DLGAP4: variants seen among roughly 807,000 people sequenced by gnomAD.
The protein encoded by DLGAP4 is disks large-associated protein 4.
A neutral mutation model predicts 86.9 loss-of-function variants in DLGAP4; 18 were observed. That is an observed-to-expected ratio of 0.21 (90% CI 0.14 to 0.31). The LOEUF (loss-of-function observed/expected upper bound fraction) is 0.31. DLGAP4 is among the 10% of genes least tolerant of loss of function. DLGAP4 has a pLI of 1.00. For synonymous variants in DLGAP4, 548 were observed against 574.3 expected, an observed-to-expected ratio of 0.95 and a Z score of 0.65; for missense variants, 1,085 against 1,362.6, an observed-to-expected ratio of 0.80 and a Z score of 3.21.
chr20:36,328,264 T>C (rs2147354515), intron 1 of DLGAP4, among the ~76,000 whole-genome samples: 1 of 152,208 alleles, frequency 6.6e-6, no homozygotes, highest in African/African-American at 2.4e-5. Flanking sequence ...AAGTGGCCAG[T>C]GTGTCAGGTG....
At chr20:36,517,313 G>T (rs1234919232) in intron 10 of DLGAP4, among the ~76,000 whole-genome samples, 1 of 152,120 alleles carries the variant, frequency 6.6e-6, no homozygotes, top group East Asian at 1.9e-4. Flanking sequence ...GGGAGGTGGA[G>T]GTTGCAGTGA....
At chr20:36,526,133 T>A in intron 12 of DLGAP4, 127 bp downstream of exon 12, 1 of 1,373,970 alleles carries the variant, frequency 7.3e-7, no homozygotes, top group Non-Finnish European at 1.0e-6. Flanking sequence ...GGGTCTCACA[T>A]CCATCACTGC....
chr20:36,334,032 A>C (rs1241455175), intron 1 of DLGAP4, among the ~76,000 whole-genome samples: 2 of 152,180 alleles, frequency 1.3e-5, no homozygotes, highest in Non-Finnish European at 2.9e-5. Context: ...GACAGCAAGG[A>C]TGTCGTGTGT....
chr20:36,436,490 C>A, intron 4 of DLGAP4, 140 bp downstream of exon 4: 2 of 1,361,412 alleles, frequency 1.5e-6, no homozygotes, highest in Non-Finnish European at 1.9e-6. Flanking sequence ...CACGCCCACT[C>A]ATGAGTCCTG....
At chr20:36,495,263 C>T (rs1247981908) in intron 7 of DLGAP4, among the ~76,000 whole-genome samples, 1 of 152,110 alleles carries the variant, frequency 6.6e-6, no homozygotes, top group Non-Finnish European at 1.5e-5. Context: ...TTTAGCCATT[C>T]TGATAGGTTA....
chr20:36,431,649 A>G lies in DLGAP4; in HGVS notation c.-69A>G. On this transcript the variant is annotated 5_prime_UTR_variant, in exon 3 of 13. In the 5' UTR this introduces an upstream ATG that the reference lacks. Coordinates refer to ENST00000339266, the MANE Select transcript of DLGAP4 (RefSeq NM_001365621.2). The surrounding 1 kb of genome is among the most constrained non-coding windows in gnomAD (Gnocchi z 5.1). ...GCTTTCTGTCTTCTCTCCCTAGGAT[A>G]GCTGCCGCCCGGGAGAGGTGACCCG... is the stretch of plus-strand genomic sequence containing the variant. 1 of 1,493,636 alleles carries G rather than the reference A, an allele frequency of 6.7e-7. No homozygotes were observed. Among genetic ancestry groups the G allele is most frequent in the Non-Finnish European group, 9.0e-7 (1 of 1,116,580 alleles). 92.5% of individuals were successfully genotyped at this position (1,493,636 alleles called of 1,614,324 possible).
intron 7 of DLGAP4, among the ~76,000 whole-genome samples, chr20:36,458,354 T>C (rs1306935153): frequency 1.4e-5 from 2 of 143,004 alleles, no homozygotes; most frequent in African/African-American, 5.2e-5. Context: ...CTTTTTTTTT[T>C]TTTTTTTTTT....
chr20:36,436,380 C>G (rs1239076893), intron 4 of DLGAP4, 30 bp downstream of exon 4: 1 of 1,556,092 alleles, frequency 6.4e-7, no homozygotes, highest in Non-Finnish European at 8.7e-7. Flanking sequence ...CTTACGGTCC[C>G]GCCCAGAGGC....
chr20:36,315,118 G>A (rs1324347205), intron 1 of DLGAP4, among the ~76,000 whole-genome samples: 1 of 146,512 alleles, frequency 6.8e-6, no homozygotes, highest in Non-Finnish European at 1.5e-5. Flanking sequence ...GTGATGTGTG[G>A]TATGTGGTGT....
At chr20:36,388,223 C>T (rs535269383) in intron 2 of DLGAP4, among the ~76,000 whole-genome samples, 2 of 152,322 alleles carry the variant, frequency 1.3e-5, no homozygotes, top group South Asian at 2.1e-4. Flanking sequence ...ATGTTCTCTT[C>T]GCACTCTGCT....
In DLGAP4 at chr20:36,450,544, C is replaced by T. The variant is rs189797867; in HGVS notation, c.1648+3607C>T. ...CAACAATTCTATGTTCCATGATCCA[C>T]TGTCTTGGCTGTATTTACTCATGCC... On this transcript the variant is annotated intron_variant, in intron 7 of 12. Coordinates refer to ENST00000339266, the MANE Select transcript of DLGAP4 (RefSeq NM_001365621.2). Among the ~76,000 whole-genome samples the T allele has an allele frequency of 3.8e-3, 574 of 152,248 alleles. 7 individuals are homozygous for T. Among genetic ancestry groups the T allele is most frequent in the African/African-American group, 0.013 (558 of 41,538 alleles).
chr20:36,523,623 G>GT (rs752844660), intron 10 of DLGAP4, among the ~76,000 whole-genome samples: 1 of 152,146 alleles, frequency 6.6e-6, no homozygotes, highest in African/African-American at 2.4e-5. Context: ...CTTTTTCTGA[G>GT]AAGAGTTCTG....
chr20:36,514,941 A>G (rs988526910), intron 10 of DLGAP4, among the ~76,000 whole-genome samples: 6 of 152,136 alleles, frequency 3.9e-5, no homozygotes, highest in African/African-American at 1.2e-4. Context: ...AGATGGGAGC[A>G]GAGTCATCAC....
At chr20:36,449,667 C>T (rs1442177650) in intron 7 of DLGAP4, among the ~76,000 whole-genome samples, 1 of 152,148 alleles carries the variant, frequency 6.6e-6, no homozygotes, top group Non-Finnish European at 1.5e-5. Flanking sequence ...ATGAAGTGGG[C>T]CTGGAGGGAT....
intron 7 of DLGAP4, among the ~76,000 whole-genome samples, chr20:36,458,204 G>C (rs2147605957): frequency 6.6e-6 from 1 of 151,782 alleles, no homozygotes; most frequent in South Asian, 2.1e-4. Flanking sequence ...ACATGACCTG[G>C]TGTGTGTCTT....
At chr20:36,339,697 A>T (rs962955562) in intron 1 of DLGAP4, among the ~76,000 whole-genome samples, 10 of 152,244 alleles carry the variant, frequency 6.6e-5, no homozygotes, top group Middle Eastern at 3.2e-3. Context: ...AGGGAGTTAG[A>T]GGAGGCCAGA....
Position 36,527,689 on chromosome 20 carries a change from C to G in DLGAP4, c.*658C>G, listed in dbSNP as rs1392384503. 1 of 152,802 alleles carries G rather than the reference C, an allele frequency of 6.5e-6. No individual in the cohort carries two copies. The highest frequency in any genetic ancestry group is 6.5e-5 in the Admixed American group (1 of 15,272). 9.5% of individuals were successfully genotyped at this position (152,802 alleles called of 1,614,324 possible). ...AGGCGCCTCACTGGGAGGTGCCCCG[C>G]CAGCCCTGGGCAGTGTCAGGCAGGA... On this transcript the variant is annotated 3_prime_UTR_variant, in exon 13 of 13. Coordinates refer to ENST00000339266, the MANE Select transcript of DLGAP4 (RefSeq NM_001365621.2).
chr20:36,404,041 A>T (rs1478894858), intron 2 of DLGAP4, among the ~76,000 whole-genome samples: 1 of 152,222 alleles, frequency 6.6e-6, no homozygotes, highest in Non-Finnish European at 1.5e-5. Context: ...GTATCCTGTT[A>T]GTTACCCGGG....
intron 4 of DLGAP4, among the ~76,000 whole-genome samples, chr20:36,438,365 C>T (rs897940703): frequency 2.3e-5 from 2 of 86,048 alleles, no homozygotes; most frequent in Non-Finnish European, 6.1e-5. Flanking sequence ...CAGAGTGAGA[C>T]TGTCTCAAAA....
Sources: allele counts gnomAD v4.1 joint callset (sites outside exome capture counted in the v4.1 genomes callset), GRCh38; gene constraint gnomAD v4.1.1; non-coding constraint Gnocchi (gnomAD v3.1); transcripts MANE v1.5; gene names NCBI Gene and HGNC (gene_info 2026-07-23, HGNC 2026-07-21).